ZNF407: variants seen among roughly 807,000 people sequenced by gnomAD.
ZNF407 encodes zinc finger protein 407.
Under a neutral mutation model 131.2 loss-of-function variants are expected in ZNF407, and 17 were observed. That is an observed-to-expected ratio of 0.13 (90% CI 0.09 to 0.19). The LOEUF (loss-of-function observed/expected upper bound fraction) is 0.19. ZNF407 is among the 10% of genes least tolerant of loss of function. The probability of loss-of-function intolerance (pLI) is 1.00; values close to 1 mark genes in which losing one functional copy is unlikely to be tolerated. For missense variants in ZNF407, 2,681 were observed against 2,830.6 expected (o/e 0.95, Z 1.20); for synonymous variants, 1,156 against 1,062.0 (o/e 1.09, Z -1.72).
At chr18:74,842,447 A>G (rs2145133282) in intron 4 of ZNF407, among the ~76,000 whole-genome samples, 1 of 152,296 alleles carries the variant, frequency 6.6e-6, no homozygotes, top group East Asian at 1.9e-4. Flanking sequence ...TCTTTTTAAT[A>G]ATGATTTATG....
At chr18:74,960,368 T>G (rs1479368914) in intron 8 of ZNF407, among the ~76,000 whole-genome samples, 3 of 105,802 alleles carry the variant, frequency 2.8e-5, no homozygotes, top group African/African-American at 3.9e-5. Flanking sequence ...CCTGAGTGAG[T>G]GCTTGGTGGA....
At chr18:74,843,012 G>A (rs117989108) in intron 4 of ZNF407, among the ~76,000 whole-genome samples, 1 of 152,194 alleles carries the variant, frequency 6.6e-6, no homozygotes, top group East Asian at 1.9e-4. Flanking sequence ...CACCGTGCCT[G>A]GCCCTTCTGT....
intron 3 of ZNF407, among the ~76,000 whole-genome samples, chr18:74,762,345 T>C (rs985933077): frequency 1.3e-5 from 2 of 152,172 alleles, no homozygotes; most frequent in African/African-American, 2.4e-5. Context: ...GAAAAATGAA[T>C]ATTTTCTAAT....
chr18:74,768,817 T>A (rs1160735994), intron 3 of ZNF407, among the ~76,000 whole-genome samples: 2 of 152,214 alleles, frequency 1.3e-5, no homozygotes, highest in African/African-American at 4.8e-5. Context: ...GCCATAGTGT[T>A]CTCTCACTAA....
intron 3 of ZNF407, among the ~76,000 whole-genome samples, chr18:74,652,286 AT>A (rs1237942305): frequency 6.6e-6 from 1 of 152,106 alleles, no homozygotes. Context: ...TCTAAAACAC[AT>A]TTGATTGTTG....
chr18:74,623,953 G>A (rs973232259), intron 1 of ZNF407, among the ~76,000 whole-genome samples: 1 of 152,130 alleles, frequency 6.6e-6, no homozygotes, highest in Admixed American at 6.5e-5. Flanking sequence ...AATAGGAAAC[G>A]TAATGCTTGA....
At chr18:74,888,658 C>G (rs996783599) in intron 6 of ZNF407, among the ~76,000 whole-genome samples, 1 of 152,078 alleles carries the variant, frequency 6.6e-6, no homozygotes, top group African/African-American at 2.4e-5. Flanking sequence ...TCAGTTTTTA[C>G]ATTTAAATTT....
At chr18:74,774,523 T>TA (rs1179510894) in intron 3 of ZNF407, among the ~76,000 whole-genome samples, 2 of 152,220 alleles carry the variant, frequency 1.3e-5, no homozygotes, top group Non-Finnish European at 2.9e-5. Context: ...TTTATCCTGA[T>TA]ACTATGTAAT....
chr18:74,682,498 G>A (rs898201108), intron 3 of ZNF407, among the ~76,000 whole-genome samples: 2 of 152,150 alleles, frequency 1.3e-5, no homozygotes, highest in Non-Finnish European at 2.9e-5. Flanking sequence ...TGGTCACACA[G>A]CCCTGGTTTA....
At chr18:74,778,155 C>G (rs1432673397) in intron 3 of ZNF407, among the ~76,000 whole-genome samples, 1 of 152,172 alleles carries the variant, frequency 6.6e-6, no homozygotes, top group Non-Finnish European at 1.5e-5. Context: ...TTCAGTGTTG[C>G]TATTCTCACC....
intron 4 of ZNF407, among the ~76,000 whole-genome samples, chr18:74,798,537 A>G (rs1969964214): frequency 1.3e-5 from 2 of 152,130 alleles, no homozygotes; most frequent in Admixed American, 1.3e-4. Flanking sequence ...AGGGATATAT[A>G]TGATGGTGAA....
chr18:74,646,907 T>C (rs1372532371), intron 3 of ZNF407, among the ~76,000 whole-genome samples: 1 of 152,184 alleles, frequency 6.6e-6, no homozygotes, highest in Non-Finnish European at 1.5e-5. Flanking sequence ...TCTGTGGTAG[T>C]GGTTTTTAAA....
chr18:74,673,016 A>C (rs1986213270), intron 3 of ZNF407, among the ~76,000 whole-genome samples: 1 of 152,130 alleles, frequency 6.6e-6, no homozygotes, highest in African/African-American at 2.4e-5. Context: ...GGAAGAGACG[A>C]AGTTAGTATT....
intron 4 of ZNF407, among the ~76,000 whole-genome samples, chr18:74,863,172 C>T (rs1970961847): frequency 2.0e-5 from 3 of 151,666 alleles, no homozygotes; most frequent in Non-Finnish European, 4.4e-5. Flanking sequence ...CCTCCCACCT[C>T]GGCCTCCCAA....
At chr18:74,918,574 GC>G (rs1971803887) in intron 7 of ZNF407, among the ~76,000 whole-genome samples, 1 of 152,154 alleles carries the variant, frequency 6.6e-6, no homozygotes, top group African/African-American at 2.4e-5. Flanking sequence ...AGAGAAAGAA[GC>G]TTGTGTGCAT....
chr18:74,777,386 AGATGCTTGCAAATG>A (rs1412039511), intron 3 of ZNF407, among the ~76,000 whole-genome samples: 81 of 152,248 alleles, frequency 5.3e-4, no homozygotes, highest in Admixed American at 5.2e-3. Flanking sequence ...TCAGATGATT[AGATGCTTGCAAATG>A]GATGACTTGA....
At chr18:74,801,444 A>G (rs527944384) in intron 4 of ZNF407, among the ~76,000 whole-genome samples, 49 of 152,362 alleles carry the variant, frequency 3.2e-4, no homozygotes, top group African/African-American at 1.2e-3. Flanking sequence ...ATGTAATGGT[A>G]TCAGTGAAAC....
chr18:74,733,547 A>T (rs1968342864), intron 3 of ZNF407, among the ~76,000 whole-genome samples: 1 of 152,160 alleles, frequency 6.6e-6, no homozygotes, highest in South Asian at 2.1e-4. Context: ...AAATCTAGAA[A>T]ATCTAGGATA....
At chr18:74,866,163 G>T (rs1971007147) in intron 4 of ZNF407, among the ~76,000 whole-genome samples, 1 of 152,268 alleles carries the variant, frequency 6.6e-6, no homozygotes, top group East Asian at 1.9e-4. Flanking sequence ...TCTATGTCGG[G>T]TTCTACTGTG....
Sources: gnomAD v4.1 joint callset for allele counts (sites outside exome capture counted in the v4.1 genomes callset) on GRCh38, gnomAD v4.1.1 for gene constraint, MANE v1.5 for transcripts, NCBI Gene and HGNC (gene_info 2026-07-23, HGNC 2026-07-21) for gene names.